Variants in KAT2B observed in about 807,000 individuals in gnomAD.
KAT2B encodes histone acetyltransferase KAT2B.
KAT2B carries 36 observed loss-of-function variants against 105.9 expected under a neutral mutation model. The observed-to-expected ratio is 0.34, with a 90% CI of 0.26 to 0.45. KAT2B has a LOEUF of 0.45. Ranked by LOEUF, KAT2B falls within the 20% of genes least tolerant of loss-of-function variation. The probability of loss-of-function intolerance (pLI) is 1.00; values close to 1 mark genes in which losing one functional copy is unlikely to be tolerated. For synonymous variants in KAT2B, 397 were observed against 377.9 expected, an observed-to-expected ratio of 1.05 and a Z score of -0.59; for missense variants, 820 against 1,021.6, an observed-to-expected ratio of 0.80 and a Z score of 2.69.
At chr3:20,072,489 A>ACT in intron 2 of KAT2B, 30 bp downstream of exon 2, 1 of 1,607,866 alleles carries the variant, frequency 6.2e-7, no homozygotes, top group South Asian at 1.1e-5. Flanking sequence ...AGGAAAGTAT[A>ACT]ACGAGTTCAT....
intron 1 of KAT2B, among the ~76,000 whole-genome samples, chr3:20,052,934 C>T (rs62243080): frequency 0.15 from 23,353 of 152,166 alleles, 2,144 homozygotes; most frequent in Middle Eastern, 0.23. Context: ...TGAGATTGCG[C>T]CACTGCACTC....
chr3:20,082,912 A>C (rs1466258170), intron 2 of KAT2B, among the ~76,000 whole-genome samples: 1 of 152,234 alleles, frequency 6.6e-6, no homozygotes, highest in Non-Finnish European at 1.5e-5. Flanking sequence ...ATTGGCAGGT[A>C]CACAGGAGAT....
intron 2 of KAT2B, among the ~76,000 whole-genome samples, chr3:20,076,147 T>C (rs1698415603): frequency 6.6e-6 from 1 of 152,062 alleles, no homozygotes. Context: ...ATACTCCTCC[T>C]GCTCAGGAAA....
Position 20,153,416 on chromosome 3 carries a change from T to G in KAT2B, c.*891T>G, listed in dbSNP as rs1265692279. ...TCAATCTGGTGAATCCTCGTTCTAA[T>G]AAAGGTTCTTTTTCTTTTCTATGAT... On this transcript the variant is annotated 3_prime_UTR_variant, in exon 18 of 18. Coordinates refer to ENST00000263754, the MANE Select transcript of KAT2B (RefSeq NM_003884.5). 6.6e-6 allele frequency: 1 copy of G among 152,434 alleles called. No homozygotes were observed. The allele number at this position is 152,434 out of a possible 1,614,324, so 9.4% of individuals were successfully genotyped here.
At position 20,125,924 on chromosome 3, in the gene KAT2B, A is replaced by T. The variant is rs765021821; in HGVS notation, c.1433A>T (p.His478Leu). Residue 478 changes from histidine to leucine, a missense_variant, in exon 10 of 18, where the codon CAC becomes CTC. Transcript: ENST00000263754. ...LGPETNFLSA[H>L]SARDEAARLE... ...TCTCAGACCAATTTTCTGTCAGCAC[A>T]CTCGGCCAGGGATGAGGCGGCAAGG... 6.2e-7 allele frequency: 1 copy of T among 1,613,746 alleles called. No individual in the cohort carries two copies. The highest frequency in any genetic ancestry group is 2.2e-5 in the East Asian group (1 of 44,880).
Position 20,126,034 on chromosome 3 carries a change from C to T in KAT2B, c.1543C>T (p.Leu515=), listed in dbSNP as rs201537605. The T allele has an allele frequency of 2.5e-6, 4 of 1,614,146 alleles. No individual in the cohort carries two copies. The highest frequency in any genetic ancestry group is 1.3e-5 in the African/African-American group (1 of 75,048). Residue 515 remains leucine, a synonymous_variant, in exon 10 of 18, where the codon CTG becomes TTG. Coordinates refer to ENST00000263754, the MANE Select transcript of KAT2B (RefSeq NM_003884.5). ...QKPNKKILMW[L]VGLQNVFSHQ... ...ACCAAACAAGAAGATCCTGATGTGG[C>T]TGGTTGGCCTACAGAACGTTTTCTC... is the stretch of plus-strand genomic sequence containing the variant.
intron 1 of KAT2B, among the ~76,000 whole-genome samples, chr3:20,061,814 C>A (rs1698106261): frequency 3.7e-5 from 4 of 106,684 alleles, no homozygotes; most frequent in South Asian, 2.6e-4. Context: ...ATATATTATA[C>A]ATAAAGTATA....
intron 5 of KAT2B, among the ~76,000 whole-genome samples, 160 bp downstream of exon 5, chr3:20,101,628 A>T (rs1698913076): frequency 6.6e-6 from 1 of 152,180 alleles, no homozygotes; most frequent in Admixed American, 6.5e-5. Flanking sequence ...CCTGCTTTTC[A>T]TTGCTATCAT....
At chr3:20,043,547 G>C (rs1159058803) in intron 1 of KAT2B, among the ~76,000 whole-genome samples, 1 of 152,004 alleles carries the variant, frequency 6.6e-6, no homozygotes, top group East Asian at 1.9e-4. Flanking sequence ...AGGGCAGAGT[G>C]GGGTGGGGTG....
intron 1 of KAT2B, among the ~76,000 whole-genome samples, chr3:20,042,467 A>G (rs73177838): frequency 0.017 from 2,519 of 152,252 alleles, 73 homozygotes; most frequent in African/African-American, 0.058. Context: ...TGCTTGGGTG[A>G]TGACTACACC....
Position 20,058,118 on chromosome 3 carries a change from T to G in KAT2B, c.304-14215T>G, listed in dbSNP as rs187480336. On this transcript the variant is annotated intron_variant, in intron 1 of 17. Coordinates refer to ENST00000263754, the MANE Select transcript of KAT2B (RefSeq NM_003884.5). Reference sequence around the variant, plus strand: ...AGCCTTGACCACTCTTTAATATTTGTTTTTTTGATTCCTTGTGGCTTCACA... The same window carrying G: ...AGCCTTGACCACTCTTTAATATTTGGTTTTTTGATTCCTTGTGGCTTCACA... 4.2e-3 allele frequency among the ~76,000 whole-genome samples: 636 copies of G among 152,246 alleles called. 1 individual carries two copies. The highest frequency in any genetic ancestry group is 5.4e-3 in the Non-Finnish European group (364 of 68,022).
chr3:20,053,788 T>A (rs1316637704), intron 1 of KAT2B, among the ~76,000 whole-genome samples: 3 of 152,090 alleles, frequency 2.0e-5, no homozygotes, highest in African/African-American at 7.2e-5. Flanking sequence ...GCTTATTTTT[T>A]ATTTATTTTT....
At chr3:20,070,450 G>A (rs1166635866) in intron 1 of KAT2B, among the ~76,000 whole-genome samples, 18 of 151,026 alleles carry the variant, frequency 1.2e-4, no homozygotes, top group African/African-American at 4.4e-4. Flanking sequence ...GACTACAGGC[G>A]CCTGCCACCA....
chr3:20,092,410 A>C (rs1319478537), intron 2 of KAT2B, among the ~76,000 whole-genome samples: 1 of 151,554 alleles, frequency 6.6e-6, no homozygotes, highest in Non-Finnish European at 1.5e-5. Flanking sequence ...TTGCATTTTC[A>C]GTAGAGACGA....
At chr3:20,145,466 G>T (rs1204257427) in intron 13 of KAT2B, among the ~76,000 whole-genome samples, 1 of 149,214 alleles carries the variant, frequency 6.7e-6, no homozygotes, top group African/African-American at 2.5e-5. Context: ...GTTTTCCTTT[G>T]TGAATGCAAT....
At chr3:20,042,875 C>T (rs1442469989) in intron 1 of KAT2B, among the ~76,000 whole-genome samples, 2 of 151,574 alleles carry the variant, frequency 1.3e-5, no homozygotes, top group Non-Finnish European at 2.9e-5. Context: ...CATGACCCAA[C>T]AAGAGAAAGA....
At chr3:20,065,481 A>G (rs1057355139) in intron 1 of KAT2B, among the ~76,000 whole-genome samples, 2 of 152,150 alleles carry the variant, frequency 1.3e-5, no homozygotes, top group African/African-American at 2.4e-5. Flanking sequence ...GAATGGGGAG[A>G]TGAAGGCCAA....
chr3:20,112,263 A>C (rs1454989736), intron 6 of KAT2B, among the ~76,000 whole-genome samples: 1 of 151,964 alleles, frequency 6.6e-6, no homozygotes, highest in African/African-American at 2.4e-5. Flanking sequence ...ACTCTTTGGA[A>C]ACTAGACTGC....
At chr3:20,086,409 G>A (rs1358941860) in intron 2 of KAT2B, among the ~76,000 whole-genome samples, 2 of 152,126 alleles carry the variant, frequency 1.3e-5, no homozygotes, top group Admixed American at 1.3e-4. Context: ...GACTAGCCTG[G>A]GCAACATGGT....
Sources: allele counts gnomAD v4.1 joint callset (sites outside exome capture counted in the v4.1 genomes callset), GRCh38; gene constraint gnomAD v4.1.1; transcripts MANE v1.5; gene names NCBI Gene and HGNC (gene_info 2026-07-23, HGNC 2026-07-21).